Variants in PMPCB observed in about 807,000 individuals in gnomAD.
The protein encoded by PMPCB is peptidase, mitochondrial processing subunit beta, also known as mitochondrial-processing peptidase subunit beta.
In PMPCB, 46 loss-of-function variants were observed where a neutral mutation model predicts 61.5. The observed-to-expected ratio is 0.75, with a 90% CI of 0.59 to 0.96. The LOEUF is 0.96. PMPCB is among the 40% of genes least tolerant of loss of function. The pLI is 0.00. For missense variants in PMPCB, 590 were observed against 602.4 expected (o/e 0.98, Z 0.22); for synonymous variants, 191 against 201.6 (o/e 0.95, Z 0.44).
intron 12 of PMPCB, chr7:103,327,258 GT>G (rs1202239640): frequency 1.3e-6 from 1 of 784,152 alleles, no homozygotes; most frequent in Non-Finnish European, 1.8e-6. Context: ...CTAAGGAACA[GT>G]TTAGTCCCAT....
downstream of PMPCB, among the ~76,000 whole-genome samples, chr7:103,332,691 G>A (rs1563470519): frequency 6.6e-6 from 1 of 151,916 alleles, no homozygotes; most frequent in African/African-American, 2.4e-5. Context: ...GTGCAGTGGT[G>A]TGATCACGGC....
chr7:103,325,201 T>G (rs536747884), intron 12 of PMPCB, among the ~76,000 whole-genome samples: 3 of 152,308 alleles, frequency 2.0e-5, no homozygotes, highest in South Asian at 4.1e-4. Flanking sequence ...CCCAGCACTT[T>G]GGGAGGCCGA....
chr7:103,309,240 C>G, intron 8 of PMPCB, 145 bp downstream of exon 8: 1 of 624,990 alleles, frequency 1.6e-6, no homozygotes, highest in Non-Finnish European at 2.4e-6. Context: ...TAAACTGATC[C>G]TGGATTGCAT....
chr7:103,317,050 T>C, downstream of PMPCB: 2 of 1,559,008 alleles, frequency 1.3e-6, no homozygotes, highest in Non-Finnish European at 8.8e-7. Context: ...CTTAGAAGTA[T>C]ACTGTATTGC....
At chr7:103,342,860 G>A in the PMPCB span, among the ~76,000 whole-genome samples, 5 of 151,544 alleles carry the variant, frequency 3.3e-5, no homozygotes, top group South Asian at 2.1e-4. Context: ...CACCCACCTC[G>A]GCCTGCCAAA....
chr7:103,303,005 A>G (rs1198051664), intron 4 of PMPCB, among the ~76,000 whole-genome samples: 2 of 151,276 alleles, frequency 1.3e-5, no homozygotes, highest in African/African-American at 4.9e-5. Context: ...TTTTTTGGAG[A>G]GGTATGCGCT....
chr7:103,303,064 C>T (rs1052921291), intron 4 of PMPCB, among the ~76,000 whole-genome samples: 2 of 152,066 alleles, frequency 1.3e-5, no homozygotes, highest in African/African-American at 4.8e-5. Context: ...TTCCACTTCA[C>T]TTTTGGCTTT....
rs886519561 is a variant in PMPCB, at chr7:103,312,348, A to G, written c.*77A>G. On this transcript the variant is annotated 3_prime_UTR_variant, in exon 13 of 13. Coordinates refer to ENST00000249269, the MANE Select transcript of PMPCB (RefSeq NM_004279.3). ...GAGAAAAATAAAAATGAACATGTAT[A>G]TACATTTGGAAATTTGAATTAAATA... 6.3e-7 allele frequency: 1 copy of G among 1,576,502 alleles called. No homozygotes were observed. The highest frequency in any genetic ancestry group is 1.2e-5 in the South Asian group (1 of 86,890).
chr7:103,344,436 C>A, the PMPCB span: 2 of 1,075,878 alleles, frequency 1.9e-6, no homozygotes, highest in Non-Finnish European at 1.4e-6. Flanking sequence ...CTCGTCACGG[C>A]CCCATACGGC....
At chr7:103,332,289 G>A (rs985353129), downstream of PMPCB, among the ~76,000 whole-genome samples, 2 of 152,238 alleles carry the variant, frequency 1.3e-5, no homozygotes, top group African/African-American at 4.8e-5. Context: ...ATAGGCGTGA[G>A]CCACTGCACC....
the PMPCB span, among the ~76,000 whole-genome samples, chr7:103,334,568 C>A: frequency 6.7e-6 from 1 of 148,756 alleles, no homozygotes; most frequent in Non-Finnish European, 1.5e-5. Flanking sequence ...AGTTAGACTC[C>A]GTCTTAAAAA....
Position 103,312,287 on chromosome 7 carries a change from G to A in PMPCB, c.*16G>A. ...TCGTGATTAAAATGCTCCTAATCAA[G>A]ATTGTTTGAACACATGTATTTATAA... On this transcript the variant is annotated 3_prime_UTR_variant, in exon 13 of 13. Transcript: ENST00000249269. 2 of 1,607,884 alleles carry A rather than the reference G, an allele frequency of 1.2e-6. No homozygotes were observed. Among genetic ancestry groups the A allele is most frequent in the Non-Finnish European group, 1.7e-6 (2 of 1,179,812 alleles).
At chr7:103,347,437 C>T in the PMPCB span, 2 of 300,934 alleles carry the variant, frequency 6.6e-6, no homozygotes, top group Non-Finnish European at 1.3e-5. Flanking sequence ...AATAGATTAC[C>T]TTCACTATAT....
intron 12 of PMPCB, chr7:103,323,551 A>T: frequency 1.4e-6 from 2 of 1,410,716 alleles, no homozygotes; most frequent in South Asian, 2.8e-5. Flanking sequence ...CACAAATACC[A>T]GAGAACCAAA....
exon 13 of PMPCB, chr7:103,328,983 C>T: frequency 7.8e-7 from 1 of 1,276,662 alleles, no homozygotes; most frequent in Non-Finnish European, 1.0e-6. Context: ...AGTTATTTTC[C>T]AAAAGGCAAA....
intron 12 of PMPCB, chr7:103,327,795 C>T (rs1165065167): frequency 7.2e-7 from 1 of 1,380,288 alleles, no homozygotes; most frequent in African/African-American, 1.4e-5. Context: ...TCACTTTAAG[C>T]ACCAAAAATA....
At position 103,311,345 on chromosome 7, in the gene PMPCB, A is replaced by G. The variant is rs576954365; in HGVS notation, c.1155-298A>G. ...ATGACCCACTGACTTAACCCATAGC[A>G]TATCAGACTCCAACAGATGAGGACT... On this transcript the variant is annotated intron_variant, in intron 9 of 12. Transcript: ENST00000249269. 32 of 387,282 alleles carry G rather than the reference A, an allele frequency of 8.3e-5. No homozygotes were observed. The South Asian group carries it at 1.3e-3, about 15-fold the overall frequency. The allele number at this position is 387,282 out of a possible 1,614,324, so 24.0% of individuals were successfully genotyped here.
At chr7:103,298,892 A>G (rs983729213) in intron 2 of PMPCB, among the ~76,000 whole-genome samples, 184 bp downstream of exon 2, 11 of 152,202 alleles carry the variant, frequency 7.2e-5, no homozygotes, top group Non-Finnish European at 1.5e-4. Flanking sequence ...GTGCATATGT[A>G]TCCTGTTGCA....
rs1817765740 is a variant in PMPCB, at chr7:103,311,835, G to T, written c.1268G>T (p.Gly423Val). Residue 423 changes from glycine to valine, a missense_variant, in exon 11 of 13, where the codon GGT (glycine) becomes GTT (valine). Gly to Val is a moderately radical substitution (Grantham distance 109, BLOSUM62 -3). Coordinates refer to ENST00000249269, the MANE Select transcript of PMPCB (RefSeq NM_004279.3). Reference protein sequence around the residue: ...DGSTPICEDIGRQMLCYNRRI... With the variant: ...DGSTPICEDIVRQMLCYNRRI... ...TCAACTCCAATTTGTGAAGATATTGGTAGGCAAATGTTATGCTATAATAGA... is the reference window on the plus strand; with the variant it reads ...TCAACTCCAATTTGTGAAGATATTGTTAGGCAAATGTTATGCTATAATAGA... 1 of 1,613,088 alleles carries T rather than the reference G, an allele frequency of 6.2e-7. No individual in the cohort carries two copies. The highest frequency in any genetic ancestry group is 8.5e-7 in the Non-Finnish European group (1 of 1,179,316).
Sources: gnomAD v4.1 joint callset for allele counts (sites outside exome capture counted in the v4.1 genomes callset) on GRCh38, gnomAD v4.1.1 for gene constraint, MANE v1.5 for transcripts, NCBI Gene and HGNC (gene_info 2026-07-23, HGNC 2026-07-21) for gene names.